Variants in PLCB4 observed in about 807,000 individuals in gnomAD.
PLCB4 encodes 1-phosphatidylinositol 4,5-bisphosphate phosphodiesterase beta-4.
In PLCB4, 77 loss-of-function variants were observed where a neutral mutation model predicts 178.8. That is an observed-to-expected ratio of 0.43 (90% CI 0.36 to 0.52). The LOEUF is 0.52. Ranked by LOEUF, PLCB4 falls within the 20% of genes least tolerant of loss-of-function variation. PLCB4 has a pLI of 0.00. For missense variants in PLCB4, 1,024 were observed against 1,453.4 expected, an observed-to-expected ratio of 0.70 and a Z score of 4.80; for synonymous variants, 496 against 490.8, an observed-to-expected ratio of 1.01 and a Z score of -0.14.
chr20:9,289,324 T>G (rs2147752220), intron 3 of PLCB4, among the ~76,000 whole-genome samples: 1 of 152,206 alleles, frequency 6.6e-6, no homozygotes, highest in Admixed American at 6.6e-5. Context: ...AAAACTAAGT[T>G]TTCTCTATCA....
intron 11 of PLCB4, 82 bp downstream of exon 11, chr20:9,372,485 A>T (rs569998820): frequency 7.4e-6 from 5 of 671,656 alleles, no homozygotes; most frequent in South Asian, 1.9e-5. Context: ...GTCCTATTTT[A>T]ATAGAGTATG....
intron 2 of PLCB4, among the ~76,000 whole-genome samples, chr20:9,148,556 A>G: frequency 6.6e-6 from 1 of 151,956 alleles, no homozygotes; most frequent in African/African-American, 2.4e-5. Flanking sequence ...TTTCTCCTGC[A>G]TCAGGGAAGT....
intron 1 of PLCB4, among the ~76,000 whole-genome samples, chr20:9,093,303 A>G (rs2090764812): frequency 6.6e-6 from 1 of 152,170 alleles, no homozygotes; most frequent in African/African-American, 2.4e-5. Flanking sequence ...TCCGTCATGT[A>G]ACTCGTTCGT....
intron 28 of PLCB4, among the ~76,000 whole-genome samples, chr20:9,424,755 A>G (rs1384424868): frequency 6.6e-6 from 1 of 152,208 alleles, no homozygotes; most frequent in East Asian, 1.9e-4. Flanking sequence ...TCATTAGAGT[A>G]CATGATATAG....
intron 1 of PLCB4, among the ~76,000 whole-genome samples, chr20:9,082,040 C>T (rs1355874451): frequency 1.3e-5 from 2 of 150,000 alleles, no homozygotes; most frequent in Non-Finnish European, 3.0e-5. Context: ...ATTGTTTTTC[C>T]TATTTTATGA....
At chr20:9,310,567 C>G (rs1296739674) in intron 4 of PLCB4, among the ~76,000 whole-genome samples, 1 of 151,778 alleles carries the variant, frequency 6.6e-6, no homozygotes, top group Admixed American at 6.6e-5. Context: ...AAAAAAATAG[C>G]CAGGTGTGGT....
chr20:9,463,546 G>T (rs1383514896), intron 35 of PLCB4, among the ~76,000 whole-genome samples: 6 of 144,030 alleles, frequency 4.2e-5, no homozygotes, highest in African/African-American at 1.6e-4. Context: ...GACACACACA[G>T]GCTCAAAATA....
At chr20:9,299,285 C>T (rs1287844180) in intron 3 of PLCB4, among the ~76,000 whole-genome samples, 1 of 151,938 alleles carries the variant, frequency 6.6e-6, no homozygotes, top group African/African-American at 2.4e-5. Flanking sequence ...ATTGTATCCT[C>T]CATTTGCTTT....
At chr20:9,343,018 AG>A (rs2033408765) in intron 7 of PLCB4, among the ~76,000 whole-genome samples, 1 of 152,190 alleles carries the variant, frequency 6.6e-6, no homozygotes, top group Non-Finnish European at 1.5e-5. Context: ...TGAGAGTAAA[AG>A]AGTACAAAAT....
intron 3 of PLCB4, among the ~76,000 whole-genome samples, chr20:9,228,040 T>C (rs1185250489): frequency 6.6e-6 from 1 of 152,128 alleles, no homozygotes; most frequent in Non-Finnish European, 1.5e-5. Flanking sequence ...ACTACATCAG[T>C]GGTATTCAAA....
chr20:9,479,091 T>A lies in PLCB4; in HGVS notation c.*82T>A. 1.0e-6 allele frequency: 1 copy of A among 959,858 alleles called. No individual in the cohort carries two copies. The highest frequency in any genetic ancestry group is 1.4e-5 in the South Asian group (1 of 72,654). 59.5% of individuals were successfully genotyped at this position (959,858 alleles called of 1,614,324 possible). On this transcript the variant is annotated 3_prime_UTR_variant, in exon 40 of 40. Coordinates refer to ENST00000378473, the MANE Select transcript of PLCB4 (RefSeq NM_001377142.1). ...CCATGGATGAAAGCTGTTTATTTTG[T>A]TTCCTTTATGTGTAAACAAGATGAT...
intron 36 of PLCB4, among the ~76,000 whole-genome samples, chr20:9,469,993 C>T (rs115772843): frequency 0.018 from 2,718 of 152,272 alleles, 73 homozygotes; most frequent in African/African-American, 0.062. Context: ...GGAATAATAC[C>T]TAGCAAGAAG....
intron 3 of PLCB4, among the ~76,000 whole-genome samples, chr20:9,285,126 GTT>G (rs11380684): frequency 2.0e-5 from 3 of 146,818 alleles, no homozygotes; most frequent in African/African-American, 5.0e-5. Flanking sequence ...TGCTAGGAAT[GTT>G]TTTTTTTTTT....
At chr20:9,436,116 C>T (rs2041751323) in intron 29 of PLCB4, among the ~76,000 whole-genome samples, 1 of 152,144 alleles carries the variant, frequency 6.6e-6, no homozygotes, top group African/African-American at 2.4e-5. Flanking sequence ...TACCTTCAGG[C>T]TGTGTATAAG....
intron 32 of PLCB4, among the ~76,000 whole-genome samples, chr20:9,447,770 C>T (rs191298059): frequency 4.7e-4 from 71 of 152,280 alleles, no homozygotes; most frequent in Admixed American, 6.5e-4. Flanking sequence ...AAATTCAGCC[C>T]GGCTTGAGAA....
At chr20:9,351,880 G>T (rs886406312) in intron 7 of PLCB4, among the ~76,000 whole-genome samples, 1 of 152,200 alleles carries the variant, frequency 6.6e-6, no homozygotes, top group African/African-American at 2.4e-5. Flanking sequence ...ACAGGTACCT[G>T]TCAGGAAGAA....
At chr20:9,138,137 G>A (rs1011958445) in intron 2 of PLCB4, among the ~76,000 whole-genome samples, 5 of 152,068 alleles carry the variant, frequency 3.3e-5, no homozygotes, top group African/African-American at 1.2e-4. Flanking sequence ...GAACGTATCA[G>A]GAAGATAAGA....
intron 33 of PLCB4, among the ~76,000 whole-genome samples, chr20:9,456,570 C>T (rs1014071593): frequency 6.6e-6 from 1 of 152,124 alleles, no homozygotes; most frequent in East Asian, 1.9e-4. Context: ...TTGAATAAAA[C>T]CTCTCATTGC....
chr20:9,217,607 A>G (rs2093747648), intron 3 of PLCB4, among the ~76,000 whole-genome samples, 155 bp downstream of exon 3: 1 of 152,224 alleles, frequency 6.6e-6, no homozygotes, highest in Non-Finnish European at 1.5e-5. Flanking sequence ...CAGAGCATTA[A>G]GCAGGATCTC....
Sources: allele counts gnomAD v4.1 joint callset (sites outside exome capture counted in the v4.1 genomes callset), GRCh38; gene constraint gnomAD v4.1.1; transcripts MANE v1.5; gene names NCBI Gene and HGNC (gene_info 2026-07-23, HGNC 2026-07-21).